Variants in SMIM45 observed in about 807,000 individuals in gnomAD.
SMIM45 encodes small integral membrane protein 45.
At chr22:41,953,276 A>G in the SMIM45 span, among the ~76,000 whole-genome samples, 2 of 151,954 alleles carry the variant, frequency 1.3e-5, no homozygotes, top group African/African-American at 2.4e-5. Context: ...GAGAGACAAG[A>G]GGAGCTGGAG....
chr22:41,947,203 C>G, the SMIM45 span: 3 of 832,638 alleles, frequency 3.6e-6, no homozygotes, highest in South Asian at 4.5e-5. Context: ...CGGGACGGGA[C>G]GGGGCCTCTT....
At chr22:41,957,755 G>C in the SMIM45 span, 1 of 153,492 alleles carries the variant, frequency 6.5e-6, no homozygotes, top group Non-Finnish European at 1.5e-5. Flanking sequence ...GGTGGGCTTC[G>C]GCGCCTGCAT....
chr22:41,958,300 C>G, the SMIM45 span: 2 of 456,736 alleles, frequency 4.4e-6, no homozygotes, highest in Middle Eastern at 3.3e-4. Flanking sequence ...CTCAATGGCA[C>G]CGGCCCTGCA....
chr22:41,954,207 T>A, the SMIM45 span, among the ~76,000 whole-genome samples: 1 of 143,018 alleles, frequency 7.0e-6, no homozygotes, highest in Non-Finnish European at 1.5e-5. Flanking sequence ...TTTGAATTTT[T>A]TTTTTTTTTT....
the SMIM45 span, among the ~76,000 whole-genome samples, chr22:41,948,648 G>A: frequency 4.6e-5 from 7 of 152,112 alleles, no homozygotes; most frequent in East Asian, 1.9e-4. Flanking sequence ...GCTGAACGCC[G>A]TGGCTCATGC....
At chr22:41,953,493 G>C in the SMIM45 span, among the ~76,000 whole-genome samples, 5 of 152,218 alleles carry the variant, frequency 3.3e-5, no homozygotes, top group Non-Finnish European at 7.3e-5. Context: ...AGTTGGGTAA[G>C]CCAAGGCAAG....
At chr22:41,958,503 A>AGAGAGG in the SMIM45 span, 1 of 403,990 alleles carries the variant, frequency 2.5e-6, no homozygotes, top group African/African-American at 2.1e-5. Context: ...AGAGAGAGAG[A>AGAGAGG]GAGAGTCTGG....
the SMIM45 span, among the ~76,000 whole-genome samples, chr22:41,954,269 C>T: frequency 6.9e-6 from 1 of 144,436 alleles, no homozygotes; most frequent in Non-Finnish European, 1.5e-5. Flanking sequence ...TGCAGTGGCA[C>T]CATCTCGGCT....
At chr22:41,947,064 T>C in the SMIM45 span, 1 of 1,612,848 alleles carries the variant, frequency 6.2e-7, no homozygotes, top group Non-Finnish European at 8.5e-7. Flanking sequence ...TCCAGGGGCC[T>C]CAACACCGAC....
At chr22:41,956,697 G>A in the SMIM45 span, among the ~76,000 whole-genome samples, 1 of 152,248 alleles carries the variant, frequency 6.6e-6, no homozygotes, top group Non-Finnish European at 1.5e-5. Context: ...TAGGACCAGT[G>A]TAGAGGTGTT....
the SMIM45 span, among the ~76,000 whole-genome samples, chr22:41,948,446 C>G: frequency 2.0e-5 from 3 of 152,248 alleles, no homozygotes; most frequent in Middle Eastern, 3.4e-3. Context: ...AGCAGAGACA[C>G]TGTCTAGCCT....
chr22:41,957,021 T>C, the SMIM45 span, among the ~76,000 whole-genome samples: 1 of 151,962 alleles, frequency 6.6e-6, no homozygotes, highest in African/African-American at 2.4e-5. Context: ...CCTCAGGTGA[T>C]CTGCCCACCT....
the SMIM45 span, among the ~76,000 whole-genome samples, chr22:41,952,883 TA>T: frequency 6.6e-6 from 1 of 152,210 alleles, no homozygotes; most frequent in South Asian, 2.1e-4. Context: ...TGGGCCTGGA[TA>T]GGGGGCATGA....
chr22:41,958,739 C>T, the SMIM45 span: 1 of 201,238 alleles, frequency 5.0e-6, no homozygotes, highest in Non-Finnish European at 1.0e-5. Flanking sequence ...CTGTCCTGTG[C>T]CACACTTCTG....
chr22:41,953,603 C>T, the SMIM45 span, among the ~76,000 whole-genome samples: 28 of 152,260 alleles, frequency 1.8e-4, no homozygotes, highest in Non-Finnish European at 3.2e-4. Flanking sequence ...GAAGTCAAAA[C>T]AGTGCTCTAC....
the SMIM45 span, among the ~76,000 whole-genome samples, chr22:41,957,179 G>GTTTT: frequency 4.8e-5 from 5 of 104,146 alleles, no homozygotes; most frequent in Admixed American, 1.2e-4. Context: ...TCACCACGTG[G>GTTTT]TCTTTTTTTT....
chr22:41,957,034 G>A, the SMIM45 span, among the ~76,000 whole-genome samples: 1 of 152,080 alleles, frequency 6.6e-6, no homozygotes, highest in African/African-American at 2.4e-5. Context: ...GCCCACCTCG[G>A]CCTCCCAAAG....
chr22:41,951,116 T>C, the SMIM45 span, among the ~76,000 whole-genome samples: 9 of 152,258 alleles, frequency 5.9e-5, no homozygotes, highest in African/African-American at 1.9e-4. Flanking sequence ...ACCTAGGTCC[T>C]GAAGCCACCT....
the SMIM45 span, chr22:41,946,950 G>C: frequency 1.3e-6 from 2 of 1,512,136 alleles, no homozygotes; most frequent in Non-Finnish European, 1.8e-6. Context: ...AGAGAGCTCA[G>C]TTGACCTAGT....
Sources: gnomAD v4.1 joint callset for allele counts (sites outside exome capture counted in the v4.1 genomes callset) on GRCh38, gnomAD v4.1.1 for gene constraint, MANE v1.5 for transcripts, NCBI Gene and HGNC (gene_info 2026-07-23, HGNC 2026-07-21) for gene names.